Variants in DYM observed in about 807,000 individuals in gnomAD.
DYM encodes the protein dyggve-Melchior-Clausen syndrome protein.
A neutral mutation model predicts 93.1 loss-of-function variants in DYM; 78 were observed. That is an observed-to-expected ratio of 0.84 (90% CI 0.70 to 1.01). The LOEUF (loss-of-function observed/expected upper bound fraction) is 1.01, where lower values mean the gene tolerates loss of function less well. Ranked by LOEUF, DYM falls within the 50% of genes least tolerant of loss-of-function variation. DYM has a pLI of 0.00. For missense variants in DYM, 789 were observed against 845.0 expected (o/e 0.93, Z 0.82); for synonymous variants, 321 against 319.7 (o/e 1.00, Z -0.04).
At chr18:49,069,077 C>A (rs1257026544) in intron 17 of DYM, among the ~76,000 whole-genome samples, 1 of 152,058 alleles carries the variant, frequency 6.6e-6, no homozygotes, top group African/African-American at 2.4e-5. Context: ...CCTAGTTTAC[C>A]CTCATTTGAC....
chr18:49,061,599 G>A (rs1263669854), intron 17 of DYM, among the ~76,000 whole-genome samples: 1 of 152,180 alleles, frequency 6.6e-6, no homozygotes, highest in Non-Finnish European at 1.5e-5. Context: ...CTGGATGGGA[G>A]GGAAGCAGCC....
intron 15 of DYM, among the ~76,000 whole-genome samples, chr18:49,123,042 T>C (rs1200880847): frequency 2.0e-5 from 3 of 152,330 alleles, no homozygotes; most frequent in South Asian, 2.1e-4. Flanking sequence ...TTCTTACTTA[T>C]TTCTGTTTTT....
chr18:49,318,443 C>T (rs2062178946), intron 8 of DYM, among the ~76,000 whole-genome samples: 1 of 152,064 alleles, frequency 6.6e-6, no homozygotes, highest in Non-Finnish European at 1.5e-5. Context: ...AATGATGAAA[C>T]ACCATCTCTA....
chr18:49,424,131 C>T (rs1427979487), intron 2 of DYM, among the ~76,000 whole-genome samples: 2 of 152,048 alleles, frequency 1.3e-5, no homozygotes, highest in South Asian at 2.1e-4. Context: ...TGATGAACAT[C>T]GATGCAAAAA....
At chr18:49,404,884 G>A (rs1000226343) in intron 2 of DYM, among the ~76,000 whole-genome samples, 1 of 151,878 alleles carries the variant, frequency 6.6e-6, no homozygotes, top group Non-Finnish European at 1.5e-5. Context: ...ATGGTGGTGG[G>A]CACCTGTAAT....
intron 14 of DYM, chr18:49,205,992 G>GTTTTTTTTCTTGTTTT (rs2092459616): frequency 3.6e-5 from 2 of 55,802 alleles, no homozygotes; most frequent in Non-Finnish European, 9.5e-5. Flanking sequence ...CTAAGGTAGA[G>GTTTTTTTTCTTGTTTT]TTTTTTTTTT....
intron 5 of DYM, among the ~76,000 whole-genome samples, chr18:49,376,291 G>A (rs924898285): frequency 9.2e-5 from 14 of 152,122 alleles, no homozygotes; most frequent in African/African-American, 1.4e-4. Flanking sequence ...GAACACTTAC[G>A]AAACAAACTT....
intron 16 of DYM, chr18:49,116,545 T>A (rs2081943089): frequency 6.6e-6 from 1 of 152,204 alleles, no homozygotes; most frequent in Non-Finnish European, 1.5e-5. Flanking sequence ...TACTGAATGT[T>A]ATAATCCTTA....
intron 1 of DYM, among the ~76,000 whole-genome samples, chr18:49,433,414 C>T (rs1312347572): frequency 1.3e-5 from 2 of 152,108 alleles, no homozygotes; most frequent in Non-Finnish European, 2.9e-5. Context: ...GATATAAATA[C>T]TAAATATTTA....
chr18:49,458,743 G>A (rs1483945669), intron 1 of DYM, among the ~76,000 whole-genome samples: 1 of 152,094 alleles, frequency 6.6e-6, no homozygotes, highest in Non-Finnish European at 1.5e-5. Flanking sequence ...GGAGGCTGAG[G>A]CAGGAGAATT....
chr18:49,454,374 G>T (rs2082787157), intron 1 of DYM, among the ~76,000 whole-genome samples: 1 of 152,110 alleles, frequency 6.6e-6, no homozygotes, highest in African/African-American at 2.4e-5. Flanking sequence ...ACACGATAAT[G>T]CCTGCAGAAA....
rs139300924 is a variant in DYM at position 49,227,945 on chromosome 18, G to A, written c.1461-18230C>T. Reference sequence around the variant, plus strand: ...TTCACTAAGTGTGACTCTTCTATGAGGCCCTCCCCGATTGCTACATGCACA... The same window carrying A: ...TTCACTAAGTGTGACTCTTCTATGAAGCCCTCCCCGATTGCTACATGCACA... On this transcript the variant is annotated intron_variant, in intron 13 of 17. Transcript: ENST00000675505. Among the ~76,000 whole-genome samples the A allele has an allele frequency of 1.9e-3, 288 of 152,178 alleles. 1 individual carries two copies. The highest frequency in any genetic ancestry group is 3.0e-3 in the Non-Finnish European group (204 of 67,998).
chr18:49,101,550 G>A (rs1296333518), intron 16 of DYM, among the ~76,000 whole-genome samples: 1 of 152,130 alleles, frequency 6.6e-6, no homozygotes, highest in Non-Finnish European at 1.5e-5. Context: ...TGGAGTAGAG[G>A]AGAATAAAAA....
At chr18:49,166,416 A>C (rs149271768) in intron 14 of DYM, among the ~76,000 whole-genome samples, 1,555 of 152,284 alleles carry the variant, frequency 0.01, 31 homozygotes, top group African/African-American at 0.032. Flanking sequence ...AATTGTTTCC[A>C]AATTTTTATA....
At chr18:49,100,805 A>G (rs957160782) in intron 16 of DYM, among the ~76,000 whole-genome samples, 5 of 152,220 alleles carry the variant, frequency 3.3e-5, no homozygotes, top group African/African-American at 1.2e-4. Flanking sequence ...GATCAGAGAC[A>G]AACTAGACTG....
At chr18:49,128,528 C>G (rs2083053771) in intron 15 of DYM, among the ~76,000 whole-genome samples, 1 of 152,142 alleles carries the variant, frequency 6.6e-6, no homozygotes, top group Non-Finnish European at 1.5e-5. Flanking sequence ...AATCTGAGAT[C>G]CAGGAGTCCC....
At chr18:49,217,779 C>G (rs540782537) in intron 13 of DYM, among the ~76,000 whole-genome samples, 8 of 152,120 alleles carry the variant, frequency 5.3e-5, no homozygotes, top group African/African-American at 1.9e-4. Flanking sequence ...AGGAACAAAC[C>G]GTACCACCCA....
At chr18:49,080,280 C>T (rs201874838) in intron 17 of DYM, among the ~76,000 whole-genome samples, 9,197 of 115,212 alleles carry the variant, frequency 0.08, 437 homozygotes, top group East Asian at 0.2. Flanking sequence ...CCAGTAGGGG[C>T]GGCGGGGCAG....
intron 6 of DYM, among the ~76,000 whole-genome samples, chr18:49,350,953 C>A (rs1599608745): frequency 6.6e-6 from 1 of 151,924 alleles, no homozygotes; most frequent in South Asian, 2.1e-4. Flanking sequence ...AAATTTCCAA[C>A]AAGTTAGAAT....
Sources: allele counts gnomAD v4.1 joint callset (sites outside exome capture counted in the v4.1 genomes callset), GRCh38; gene constraint gnomAD v4.1.1; transcripts MANE v1.5; gene names NCBI Gene and HGNC (gene_info 2026-07-23, HGNC 2026-07-21).